ANKRD31: variants seen among roughly 807,000 people sequenced by gnomAD.
ANKRD31 encodes ankyrin repeat domain-containing protein 31.
Under a neutral mutation model 186.0 loss-of-function variants are expected in ANKRD31, and 147 were observed. The ratio of observed to expected loss-of-function variants is 0.79; its 90% CI spans 0.69 to 0.91. The LOEUF is 0.91. Ranked by LOEUF, ANKRD31 falls within the 40% of genes least tolerant of loss-of-function variation. The probability of loss-of-function intolerance (pLI) is 0.00; values close to 1 mark genes in which losing one functional copy is unlikely to be tolerated. For synonymous variants in ANKRD31, 673 were observed against 736.4 expected (o/e 0.91, Z 1.39); for missense variants, 1,986 against 2,148.8 (o/e 0.92, Z 1.50).
intron 17 of ANKRD31, among the ~76,000 whole-genome samples, chr5:75,134,392 G>A (rs4028850): frequency 3.3e-5 from 5 of 152,046 alleles, no homozygotes; most frequent in African/African-American, 1.2e-4. Context: ...ACACCTATAC[G>A]CAAATAAATA....
rs908982407 is a variant in ANKRD31 at position 75,154,290 on chromosome 5, C to T, written c.1763G>A (p.Gly588Glu). The T allele has an allele frequency of 6.5e-7, 1 of 1,535,744 alleles. No individual in the cohort carries two copies. The highest frequency in any genetic ancestry group is 8.7e-7 in the Non-Finnish European group (1 of 1,146,116). ...CTTGGCCTCATCCAAAGCACATTTT[C>T]CATCATCATTTCTAAATAATGGATC... ...GADPLFRNDDGKCALDEAKDL... is the reference protein window; with the variant it reads ...GADPLFRNDDEKCALDEAKDL... Residue 588 changes from glycine to glutamate, a missense_variant, in exon 12 of 26, where the codon GGA (glycine) becomes GAA (glutamate). Gly to Glu is a moderately conservative substitution (Grantham distance 98). Transcript: ENST00000506364.
chr5:75,114,594 G>C (rs2150075193), intron 19 of ANKRD31, among the ~76,000 whole-genome samples: 1 of 152,192 alleles, frequency 6.6e-6, no homozygotes, highest in South Asian at 2.1e-4. Context: ...AAAATCACAA[G>C]CATTCTTATA....
At chr5:75,192,405 T>C (rs989957409) in intron 9 of ANKRD31, among the ~76,000 whole-genome samples, 1 of 152,118 alleles carries the variant, frequency 6.6e-6, no homozygotes, top group Admixed American at 6.6e-5. Context: ...TAGTCACACA[T>C]GTAAATTTAA....
chr5:75,146,219 C>T lies in ANKRD31; in HGVS notation c.3192G>A (p.Glu1064=), dbSNP rs1336641018. 13 of 1,536,206 alleles carry T rather than the reference C, an allele frequency of 8.5e-6. No homozygotes were observed. The highest frequency in any genetic ancestry group is 1.0e-5 in the Non-Finnish European group (12 of 1,146,368). Residue 1064 remains glutamate, a synonymous_variant, in exon 14 of 26, where the codon GAG becomes GAA. Transcript: ENST00000506364. ...VEKMAKNCDT[E]RNYIDRDQKI... ...TTTGGTCTCTGTCAATGTAATTCCT[C>T]TCAGTGTCACAATTCTTTGCCATCT...
rs1755192098 is a variant in ANKRD31 at position 75,192,662 on chromosome 5, A to T, written c.1408+5T>A. The T allele has an allele frequency of 6.6e-7, 1 of 1,507,514 alleles. No individual in the cohort carries two copies. Among genetic ancestry groups the T allele is most frequent in the Non-Finnish European group, 8.9e-7 (1 of 1,123,618 alleles). 93.4% of individuals were successfully genotyped at this position (1,507,514 alleles called of 1,614,324 possible). ...AAATAGAAAAATACTCAAAATATGC[A>T]TCACCTTTTTTTCCTGAAAATTGTT... is the stretch of plus-strand genomic sequence containing the variant. On this transcript the variant is annotated splice_donor_5th_base_variant and intron_variant, in intron 9 of 25. Coordinates refer to ENST00000506364, the MANE Select transcript of ANKRD31 (RefSeq NM_001372053.1).
At chr5:75,182,351 G>C (rs947879481) in intron 10 of ANKRD31, among the ~76,000 whole-genome samples, 1 of 152,174 alleles carries the variant, frequency 6.6e-6, no homozygotes, top group Admixed American at 6.6e-5. Context: ...TGCAGATGAT[G>C]ATTTTCCTTC....
Position 75,196,015 on chromosome 5 carries a change from C to A in ANKRD31, c.633G>T (p.Lys211Asn), listed in dbSNP as rs368040525. ...AGGTTTCAAGAGAGCTTTCTTCATC[C>A]TTAGTTTCTTCAGAAGTCATGGTCA... ...VTMTMTSEET[K>N]DEESSLETFV... Residue 211 changes from lysine (K) to asparagine (N), a missense_variant, in exon 7 of 26, where the codon AAG becomes AAT. Lys to Asn is a moderately conservative substitution (Grantham distance 94). Transcript: ENST00000506364. 2.0e-4 allele frequency: 303 copies of A among 1,533,278 alleles called. No homozygotes were observed. The highest frequency in any genetic ancestry group is 2.6e-4 in the Admixed American group (13 of 50,312). The allele number at this position is 1,533,278 out of a possible 1,614,324, so 95.0% of individuals were successfully genotyped here.
chr5:75,224,157 ATATG>A (rs1335000969), intron 2 of ANKRD31, among the ~76,000 whole-genome samples: 674 of 49,436 alleles, frequency 0.014, 19 homozygotes, highest in African/African-American at 0.087. Context: ...ATATATATAT[ATATG>A]TATATATATA....
intron 17 of ANKRD31, among the ~76,000 whole-genome samples, chr5:75,135,587 C>A (rs1318164937): frequency 6.6e-6 from 1 of 152,132 alleles, no homozygotes. Context: ...AATGGCCATA[C>A]TGCCCAAGGT....
At chr5:75,077,995 T>C (rs532305185) in intron 25 of ANKRD31, among the ~76,000 whole-genome samples, 4 of 140,216 alleles carry the variant, frequency 2.9e-5, no homozygotes, top group African/African-American at 1.1e-4. Context: ...CAAAATAACA[T>C]AGCAGAGGGC....
intron 23 of ANKRD31, 22 bp downstream of exon 23, chr5:75,091,239 G>C: frequency 1.3e-6 from 2 of 1,505,752 alleles, no homozygotes; most frequent in Non-Finnish European, 8.8e-7. Context: ...TGAAGTTAAA[G>C]ATAAACTTAA....
At position 75,222,269 on chromosome 5, in the gene ANKRD31, T is replaced by C; in HGVS notation, c.268A>G (p.Ser90Gly). ...CACACCTGTAATATTGTATCCTCGC[T>C]AAGAACAGGCATCATCTTATTTTTA... ...MNKNKMMPVL[S>G]EDTILQSQDE... Residue 90 changes from serine to glycine, a missense_variant, in exon 3 of 26, where the codon AGC becomes GGC. By Grantham distance (56) the Ser-to-Gly change is moderately conservative. Transcript: ENST00000506364. 1 of 1,535,854 alleles carries C rather than the reference T, an allele frequency of 6.5e-7. No homozygotes were observed. The highest frequency in any genetic ancestry group is 8.7e-7 in the Non-Finnish European group (1 of 1,145,912).
intron 1 of ANKRD31, 118 bp from the exon 2 acceptor site, chr5:75,230,753 T>C: frequency 1.6e-6 from 1 of 618,064 alleles, no homozygotes; most frequent in Non-Finnish European, 2.7e-6. Context: ...ATACCACTAT[T>C]AATGTTTCTA....
rs114024401 is a variant in ANKRD31 at position 75,232,705 on chromosome 5, T to C, written c.105-2070A>G. 4.3e-3 allele frequency among the ~76,000 whole-genome samples: 658 copies of C among 152,254 alleles called. 10 individuals carry two copies. The highest frequency in any genetic ancestry group is 0.015 in the African/African-American group (630 of 41,544). The stretch of plus-strand genomic sequence containing the variant: ...ACTCAGAACCATACTCTTAAAAAGG[T>C]GAACTTTATGTAAATTCCTCCTTGA... On this transcript the variant is annotated intron_variant, in intron 1 of 25. Transcript: ENST00000506364.
At chr5:75,229,055 C>CA (rs1201275632) in intron 2 of ANKRD31, among the ~76,000 whole-genome samples, 1 of 151,878 alleles carries the variant, frequency 6.6e-6, no homozygotes, top group African/African-American at 2.4e-5. Flanking sequence ...AGACATCCTC[C>CA]AAAAAAAGAT....
chr5:75,092,919 T>C (rs1466134188), intron 22 of ANKRD31, among the ~76,000 whole-genome samples: 1 of 152,024 alleles, frequency 6.6e-6, no homozygotes, highest in Non-Finnish European at 1.5e-5. Flanking sequence ...AAAATTTATT[T>C]AAAAAGAACC....
intron 10 of ANKRD31, among the ~76,000 whole-genome samples, chr5:75,169,730 T>C (rs1753182089): frequency 6.6e-6 from 1 of 152,178 alleles, no homozygotes; most frequent in African/African-American, 2.4e-5. Context: ...AAGAAAACTT[T>C]AAAGTTGCAC....
At chr5:75,214,869 A>G (rs146012480) in intron 3 of ANKRD31, among the ~76,000 whole-genome samples, 22 of 152,352 alleles carry the variant, frequency 1.4e-4, no homozygotes, top group African/African-American at 4.6e-4. Context: ...CCAAAAACTG[A>G]CTATGAGACC....
chr5:75,115,969 T>C (rs1445182219), intron 19 of ANKRD31, among the ~76,000 whole-genome samples: 2 of 152,050 alleles, frequency 1.3e-5, no homozygotes, highest in East Asian at 1.9e-4. Context: ...CGTATGTTTG[T>C]TGCGGCATTA....
Sources: allele counts gnomAD v4.1 joint callset (sites outside exome capture counted in the v4.1 genomes callset), GRCh38; gene constraint gnomAD v4.1.1; transcripts MANE v1.5; gene names NCBI Gene and HGNC (gene_info 2026-07-23, HGNC 2026-07-21).